The following MMP17 variants were observed in gnomAD, a reference collection of about 807,000 sequenced individuals.
The protein encoded by MMP17 is matrix metallopeptidase 17, also known as matrix metalloproteinase-17.
A neutral mutation model predicts 49.1 loss-of-function variants in MMP17; 54 were observed. The observed-to-expected ratio is 1.10, with a 90% CI of 0.88 to 1.38. MMP17 has a LOEUF of 1.38. MMP17 is among the 40% of genes most tolerant of loss of function. MMP17 has a pLI of 0.00. For missense variants in MMP17, 837 were observed against 853.7 expected, an observed-to-expected ratio of 0.98 and a Z score of 0.24; for synonymous variants, 397 against 383.1, an observed-to-expected ratio of 1.04 and a Z score of -0.42.
chr12:131,837,674 C>T (rs571753423), intron 1 of MMP17, among the ~76,000 whole-genome samples: 4 of 152,208 alleles, frequency 2.6e-5, no homozygotes, highest in South Asian at 2.1e-4. Flanking sequence ...AGGTCGTGCA[C>T]GGCACAAGCT....
At chr12:131,832,477 G>A (rs888919091) in intron 1 of MMP17, among the ~76,000 whole-genome samples, 1 of 152,048 alleles carries the variant, frequency 6.6e-6, no homozygotes, top group Non-Finnish European at 1.5e-5. Flanking sequence ...GGCACTTTGC[G>A]CATGCGTGAG....
chr12:131,844,749 A>T (rs965631986), intron 6 of MMP17: 2 of 305,474 alleles, frequency 6.5e-6, no homozygotes, highest in African/African-American at 4.2e-5. Context: ...CGTCGCTGTG[A>T]ACACGCTTCT....
chr12:131,846,483 C>G lies in MMP17; in HGVS notation c.1204+1034C>G, dbSNP rs1417241115. The stretch of plus-strand genomic sequence containing the variant: ...CCTTCACCTCCCAGGTTGCAATTCT[C>G]CTGCCTCAGCCTCCCTAGTAGCTGG... On this transcript the variant is annotated intron_variant, in intron 8 of 9. Coordinates refer to ENST00000360564, the MANE Select transcript of MMP17 (RefSeq NM_016155.7). This position sits in a 1 kb window ranked among gnomAD's most constrained non-coding sequence, Gnocchi z 4.6. 6.6e-6 allele frequency among the ~76,000 whole-genome samples: 1 copy of G among 152,180 alleles called. No homozygotes were observed. Among genetic ancestry groups the G allele is most frequent in the Non-Finnish European group, 1.5e-5 (1 of 68,032 alleles).
chr12:131,845,337 G>A lies in MMP17; in HGVS notation c.1092G>A (p.Val364=), dbSNP rs780463604. ...GGCTGACGCGGGACCGGCACCTGGT[G>A]TCCCTGCAGCCGGCACAGATGCACC... ...FWRLTRDRHL[V]SLQPAQMHRF... is the part of the protein sequence containing the mutation. The change falls in exon 8 of 10, where the codon GTG becomes GTA. Residue 364 remains valine (V), a synonymous_variant. Transcript: ENST00000360564. The A allele has an allele frequency of 1.2e-6, 2 of 1,604,626 alleles. No individual in the cohort carries two copies. The highest frequency in any genetic ancestry group is 2.2e-5 in the East Asian group (1 of 44,696).
intron 1 of MMP17, among the ~76,000 whole-genome samples, chr12:131,834,033 G>C (rs986771426): frequency 6.6e-6 from 1 of 152,256 alleles, no homozygotes; most frequent in African/African-American, 2.4e-5. Context: ...GGTGAATCCA[G>C]AGTGGGCCTG....
Position 131,840,512 on chromosome 12 carries a change from C to T in MMP17, c.423-61C>T, listed in dbSNP as rs553455140. On this transcript the variant is annotated intron_variant, in intron 3 of 9. Transcript: ENST00000360564. ...GGCTGAGGAGGGGCGTTCAGGGAAC[C>T]TCGGCCTGGGGCACGTGGCCTGTTC... is the stretch of plus-strand genomic sequence containing the variant. 5.3e-4 allele frequency: 804 copies of T among 1,514,760 alleles called. 1 individual carries two copies. Among genetic ancestry groups the T allele is most frequent in the Non-Finnish European group, 6.6e-4 (750 of 1,131,714 alleles). The allele number at this position is 1,514,760 out of a possible 1,614,324, so 93.8% of individuals were successfully genotyped here.
At chr12:131,837,177 C>G (rs1232197530) in intron 1 of MMP17, among the ~76,000 whole-genome samples, 1 of 152,232 alleles carries the variant, frequency 6.6e-6, no homozygotes, top group Non-Finnish European at 1.5e-5. Flanking sequence ...CTCACGTCCT[C>G]ATCACCAGCC....
chr12:131,836,279 G>A (rs1887080539), intron 1 of MMP17, among the ~76,000 whole-genome samples: 1 of 152,066 alleles, frequency 6.6e-6, no homozygotes, highest in Admixed American at 6.5e-5. Flanking sequence ...GTCTTGTGAG[G>A]CCCCTCCTGG....
At chr12:131,833,073 T>C (rs775172511) in intron 1 of MMP17, among the ~76,000 whole-genome samples, 1 of 152,218 alleles carries the variant, frequency 6.6e-6, no homozygotes, top group Non-Finnish European at 1.5e-5. Flanking sequence ...AGGATACATG[T>C]CCGAACTCCC....
chr12:131,835,460 G>T (rs982348838), intron 1 of MMP17, among the ~76,000 whole-genome samples: 2 of 152,242 alleles, frequency 1.3e-5, no homozygotes, highest in Non-Finnish European at 2.9e-5. Flanking sequence ...TTCCTGAAAT[G>T]CATGTGGCCT....
intron 5 of MMP17, 107 bp from the exon 6 acceptor site, chr12:131,843,890 C>A: frequency 1.3e-6 from 1 of 774,244 alleles, no homozygotes; most frequent in Non-Finnish European, 2.0e-6. Context: ...CAGAGCCTGT[C>A]TGCTGAGTGG....
chr12:131,834,390 C>T (rs1159116857), intron 1 of MMP17, among the ~76,000 whole-genome samples: 4 of 152,168 alleles, frequency 2.6e-5, no homozygotes, highest in Non-Finnish European at 2.9e-5. Context: ...CTGGAGACAG[C>T]GGTCTCCGTG....
chr12:131,847,863 G>C, intron 8 of MMP17, among the ~76,000 whole-genome samples: 1 of 152,166 alleles, frequency 6.6e-6, no homozygotes, highest in Non-Finnish European at 1.5e-5. Flanking sequence ...GCCACAGGCC[G>C]TCTCACCCCT....
intron 6 of MMP17, chr12:131,844,776 AGGCCCGGGCTTGG>A (rs1887606069): frequency 3.0e-6 from 1 of 338,270 alleles, no homozygotes. Flanking sequence ...ACCGAATTCT[AGGCCCGGGCTTGG>A]GGTCCCGTGG....
chr12:131,845,846 C>T (rs370050848), intron 8 of MMP17, among the ~76,000 whole-genome samples: 27 of 152,168 alleles, frequency 1.8e-4, no homozygotes, highest in East Asian at 1.4e-3. Flanking sequence ...AACGGCCGTG[C>T]GAGGCAGGAG....
At position 131,828,482 on chromosome 12, in the gene MMP17, C is replaced by G. The variant is rs1051490187; in HGVS notation, c.-13C>G. The G allele has an allele frequency of 1.0e-6, 1 of 992,342 alleles. No homozygotes were observed. The highest frequency in any genetic ancestry group is 4.5e-5 in the South Asian group (1 of 22,128). The allele number at this position is 992,342 out of a possible 1,614,324, so 61.5% of individuals were successfully genotyped here. On this transcript the variant is annotated 5_prime_UTR_variant, in exon 1 of 10. Coordinates refer to ENST00000360564, the MANE Select transcript of MMP17 (RefSeq NM_016155.7). ...GGGACCCTGCACGCCGCCCGCGGGC[C>G]CATGTGAGCGCCATGCGGCGCCGCG...
chr12:131,849,758 G>C (rs1342367525), intron 8 of MMP17, 44 bp from the exon 9 acceptor site: 2 of 1,576,990 alleles, frequency 1.3e-6, no homozygotes, highest in Non-Finnish European at 1.7e-6. Flanking sequence ...TGCCCTTCGG[G>C]GTGGGGCCGA....
At chr12:131,850,378 C>G (rs1887913129) in intron 9 of MMP17, among the ~76,000 whole-genome samples, 2 of 152,220 alleles carry the variant, frequency 1.3e-5, no homozygotes, top group South Asian at 4.1e-4. Context: ...CTGAGATGTC[C>G]ACACAGCCCC....
At chr12:131,849,232 C>G (rs901050157) in intron 8 of MMP17, among the ~76,000 whole-genome samples, 1 of 152,190 alleles carries the variant, frequency 6.6e-6, no homozygotes, top group African/African-American at 2.4e-5. Context: ...ACCTGTAATC[C>G]CAGCACTTTG....
Sources: allele counts gnomAD v4.1 joint callset (sites outside exome capture counted in the v4.1 genomes callset), GRCh38; gene constraint gnomAD v4.1.1; non-coding constraint Gnocchi (gnomAD v3.1); transcripts MANE v1.5; gene names NCBI Gene and HGNC (gene_info 2026-07-23, HGNC 2026-07-21).